The following RUNX1 variants were observed in gnomAD, a reference collection of about 807,000 sequenced individuals.
The protein encoded by RUNX1 is RUNX family transcription factor 1.
RUNX1 carries 19 observed loss-of-function variants against 42.8 expected under a neutral mutation model. That is an observed-to-expected ratio of 0.44 (90% CI 0.31 to 0.65). The LOEUF is 0.65. RUNX1 is among the 30% of genes least tolerant of loss of function. RUNX1 has a pLI of 0.07. For synonymous variants in RUNX1, 271 were observed against 289.4 expected (o/e 0.94, Z 0.64); for missense variants, 528 against 672.0 (o/e 0.79, Z 2.37).
At chr21:34,809,050 T>C (rs79421629) in intron 7 of RUNX1, among the ~76,000 whole-genome samples, 1 of 152,326 alleles carries the variant, frequency 6.6e-6, no homozygotes, top group Non-Finnish European at 1.5e-5. Flanking sequence ...AATAAACATT[T>C]GTTGCAGACA....
chr21:35,019,689 G>A (rs2059184409), intron 2 of RUNX1, among the ~76,000 whole-genome samples: 1 of 152,132 alleles, frequency 6.6e-6, no homozygotes, highest in African/African-American at 2.4e-5. Context: ...TAAGACCTAT[G>A]CAAACAACCT....
intron 2 of RUNX1, among the ~76,000 whole-genome samples, chr21:34,993,792 G>GACACACACACAGAC (rs1359267692): frequency 1.3e-5 from 1 of 77,696 alleles, no homozygotes; most frequent in African/African-American, 7.0e-5. Flanking sequence ...CACACACACA[G>GACACACACACAGAC]ACACACACAC....
At chr21:34,930,284 A>G (rs1256195288) in intron 2 of RUNX1, among the ~76,000 whole-genome samples, 1 of 141,916 alleles carries the variant, frequency 7.0e-6, no homozygotes, top group African/African-American at 2.8e-5. Flanking sequence ...ATATATATAT[A>G]TATATATAAA....
intron 2 of RUNX1, among the ~76,000 whole-genome samples, chr21:34,948,920 G>T (rs908620161): frequency 1.9e-4 from 29 of 152,022 alleles, no homozygotes; most frequent in African/African-American, 7.0e-4. Context: ...TACTTTTTGT[G>T]TGTGTGTGTA....
At chr21:34,920,940 C>T (rs952992808) in intron 2 of RUNX1, among the ~76,000 whole-genome samples, 2 of 152,206 alleles carry the variant, frequency 1.3e-5, no homozygotes, top group Non-Finnish European at 2.9e-5. Context: ...CTCACTGCAA[C>T]TTGTGCCTTC....
At chr21:34,894,875 A>G (rs2058116111) in intron 2 of RUNX1, among the ~76,000 whole-genome samples, 1 of 140,442 alleles carries the variant, frequency 7.1e-6, no homozygotes, top group Non-Finnish European at 1.5e-5. Flanking sequence ...CTTGACCTAC[A>G]TAGAAACACA....
rs2146236477 is a variant in RUNX1, at chr21:34,859,556, G to A, written c.531C>T (p.Ile177=). Residue 177 remains isoleucine, a synonymous_variant, in exon 6 of 9, where the codon ATC becomes ATT. Transcript: ENST00000675419. ...CTTGCGGTGGGTTTGTGAAGACAGTGATGGTCAGAGTGAAGCTTTTCCCTG... is the reference window on the plus strand; with the variant it reads ...CTTGCGGTGGGTTTGTGAAGACAGTAATGGTCAGAGTGAAGCTTTTCCCTG... ...SGRGKSFTLT[I]TVFTNPPQVA... is the part of the protein sequence containing the mutation. 1 of 1,614,148 alleles carries A rather than the reference G, an allele frequency of 6.2e-7. No homozygotes were observed. Among genetic ancestry groups the A allele is most frequent in the Non-Finnish European group, 8.5e-7 (1 of 1,179,974 alleles).
At chr21:35,042,033 C>A (rs917502763) in intron 2 of RUNX1, among the ~76,000 whole-genome samples, 1 of 152,154 alleles carries the variant, frequency 6.6e-6, no homozygotes, top group African/African-American at 2.4e-5. Context: ...CTGCGAGAAA[C>A]CGATCAACCT....
At chr21:34,976,565 C>T (rs2058803505) in intron 2 of RUNX1, among the ~76,000 whole-genome samples, 1 of 152,182 alleles carries the variant, frequency 6.6e-6, no homozygotes, top group Non-Finnish European at 1.5e-5. Context: ...TTTGCCATGA[C>T]ATTTTGACGA....
chr21:35,001,927 T>C (rs916852178), intron 2 of RUNX1, among the ~76,000 whole-genome samples: 1 of 151,936 alleles, frequency 6.6e-6, no homozygotes, highest in Non-Finnish European at 1.5e-5. Flanking sequence ...TACAAGTAAA[T>C]TTTAAACAAG....
chr21:34,835,020 G>A (rs983827602), intron 6 of RUNX1, among the ~76,000 whole-genome samples: 2 of 152,198 alleles, frequency 1.3e-5, no homozygotes, highest in East Asian at 1.9e-4. Context: ...GCATCAGAAC[G>A]GCTGTTCCTT....
intron 2 of RUNX1, among the ~76,000 whole-genome samples, chr21:34,968,743 T>C (rs9975183): frequency 0.39 from 58,527 of 151,400 alleles, 11,693 homozygotes; most frequent in East Asian, 0.56. Flanking sequence ...GAGCAGGTGG[T>C]CTGATCTGTG....
chr21:34,970,316 T>C (rs1016929309), intron 2 of RUNX1, among the ~76,000 whole-genome samples: 2 of 152,238 alleles, frequency 1.3e-5, no homozygotes, highest in African/African-American at 4.8e-5. Context: ...GCACCACAGA[T>C]GACTCCAACA....
chr21:34,927,643 A>G (rs952382505), intron 2 of RUNX1, among the ~76,000 whole-genome samples: 1 of 152,210 alleles, frequency 6.6e-6, no homozygotes, highest in Non-Finnish European at 1.5e-5. Context: ...TACTTTGGAC[A>G]TGGATGGAAG....
chr21:35,030,254 G>A (rs967362353), intron 2 of RUNX1, among the ~76,000 whole-genome samples: 4 of 152,096 alleles, frequency 2.6e-5, no homozygotes, highest in Admixed American at 6.5e-5. Flanking sequence ...GAGGCAGGAG[G>A]ATGGCGTGAA....
At chr21:34,872,965 T>C (rs2057761531) in intron 5 of RUNX1, among the ~76,000 whole-genome samples, 1 of 152,152 alleles carries the variant, frequency 6.6e-6, no homozygotes, top group Non-Finnish European at 1.5e-5. Context: ...AACTGCCCAG[T>C]GGTTTCAGAT....
intron 7 of RUNX1, chr21:34,834,009 T>C (rs1310099456): frequency 2.7e-6 from 1 of 365,636 alleles, no homozygotes; most frequent in African/African-American, 2.1e-5. Flanking sequence ...CCATCTTCAC[T>C]TTGCTTGACG....
intron 2 of RUNX1, among the ~76,000 whole-genome samples, chr21:35,010,037 G>A (rs932284): frequency 0.13 from 19,270 of 152,204 alleles, 1,424 homozygotes; most frequent in African/African-American, 0.19. Context: ...GAACTGCATA[G>A]AAAGTTGATA....
At chr21:34,957,594 A>G (rs1000618023) in intron 2 of RUNX1, among the ~76,000 whole-genome samples, 11 of 152,114 alleles carry the variant, frequency 7.2e-5, no homozygotes, top group Non-Finnish European at 1.3e-4. Flanking sequence ...TCCTTTCTCT[A>G]TTATCCGAGG....
Sources: gnomAD v4.1 joint callset for allele counts (sites outside exome capture counted in the v4.1 genomes callset) on GRCh38, gnomAD v4.1.1 for gene constraint, MANE v1.5 for transcripts, NCBI Gene and HGNC (gene_info 2026-07-23, HGNC 2026-07-21) for gene names.